Variants in TRAPPC9 observed in about 807,000 individuals in gnomAD.
TRAPPC9 encodes trafficking protein particle complex subunit 9.
A neutral mutation model predicts 124.0 loss-of-function variants in TRAPPC9; 83 were observed. That is an observed-to-expected ratio of 0.67 (90% CI 0.56 to 0.80). TRAPPC9 has a LOEUF of 0.80. Among genes scored for constraint, TRAPPC9 ranks in the 30% least tolerant of loss-of-function variants. The pLI is 0.00. For synonymous variants in TRAPPC9, 638 were observed against 617.5 expected (o/e 1.03, Z -0.49); for missense variants, 1,302 against 1,508.3 (o/e 0.86, Z 2.27).
intron 21 of TRAPPC9, among the ~76,000 whole-genome samples, chr8:139,827,471 T>C (rs1047376504): frequency 6.6e-6 from 1 of 152,092 alleles, no homozygotes; most frequent in Admixed American, 6.6e-5. Context: ...GGGAGCAGGG[T>C]AGCAGCATTT....
At chr8:140,414,151 T>C (rs1017523487) in intron 5 of TRAPPC9, among the ~76,000 whole-genome samples, 1 of 151,964 alleles carries the variant, frequency 6.6e-6, no homozygotes, top group Non-Finnish European at 1.5e-5. Context: ...AGAAGAAATA[T>C]GAAGAAGTTG....
intron 7 of TRAPPC9, among the ~76,000 whole-genome samples, chr8:140,393,960 G>A (rs988548788): frequency 2.0e-5 from 3 of 152,058 alleles, no homozygotes; most frequent in South Asian, 4.1e-4. Flanking sequence ...CACTGTCCCC[G>A]CCCGCCCAGC....
chr8:140,285,886 G>C (rs899072852), intron 13 of TRAPPC9, among the ~76,000 whole-genome samples: 1 of 152,150 alleles, frequency 6.6e-6, no homozygotes, highest in East Asian at 1.9e-4. Flanking sequence ...GATTACACCT[G>C]CCTCACTCAC....
chr8:140,456,772 G>A, intron 1 of TRAPPC9: 1 of 984,960 alleles, frequency 1.0e-6, no homozygotes, highest in Non-Finnish European at 1.2e-6. Flanking sequence ...GGCCGTGAGG[G>A]ATGGAAGGGA....
At chr8:139,956,533 G>A (rs1483961904) in intron 19 of TRAPPC9, among the ~76,000 whole-genome samples, 3 of 152,172 alleles carry the variant, frequency 2.0e-5, no homozygotes, top group African/African-American at 4.8e-5. Flanking sequence ...TTGGGCCTAC[G>A]CCTGACCTAT....
chr8:139,795,075 A>G (rs1307380190), intron 21 of TRAPPC9, among the ~76,000 whole-genome samples: 2 of 152,328 alleles, frequency 1.3e-5, no homozygotes, highest in South Asian at 2.1e-4. Flanking sequence ...ACTCCCCAAG[A>G]AAAAATAACT....
In TRAPPC9 at chr8:139,885,948, C is replaced by T. The variant is rs150724353; in HGVS notation, c.2986G>A (p.Glu996Lys). The part of the protein sequence containing the change: ...WRIPSLKRSG[E>K]ASVEGLLNQL... ...TTCAGGAGTCCTTCCACACTCGCCT[C>T]GCCACTGCGCTTCAGGGAGGGGTGA... Residue 996 changes from glutamate to lysine, a missense_variant, in exon 21 of 23, where the codon GAG (glutamate) becomes AAG (lysine). Physicochemically the swap from Glu to Lys is moderately conservative, Grantham distance 56. Coordinates refer to ENST00000438773, the MANE Select transcript of TRAPPC9 (RefSeq NM_001160372.4). The T allele has an allele frequency of 7.6e-6, 12 of 1,569,662 alleles. No individual in the cohort carries two copies. The highest frequency in any genetic ancestry group is 2.3e-5 in the South Asian group (2 of 85,192).
At chr8:140,082,594 T>G (rs950459884) in intron 17 of TRAPPC9, among the ~76,000 whole-genome samples, 1 of 152,360 alleles carries the variant, frequency 6.6e-6, no homozygotes, top group African/African-American at 2.4e-5. Context: ...TGACTGAATT[T>G]GAAAATACTG....
chr8:140,084,823 A>T (rs1844082207), intron 17 of TRAPPC9, among the ~76,000 whole-genome samples: 1 of 152,232 alleles, frequency 6.6e-6, no homozygotes, highest in South Asian at 2.1e-4. Context: ...ACCAAGCATG[A>T]GTAAGTGCCA....
chr8:140,349,219 AGAAGGGGG>A, intron 9 of TRAPPC9, among the ~76,000 whole-genome samples: 1 of 85,828 alleles, frequency 1.2e-5, no homozygotes, highest in Non-Finnish European at 2.3e-5. Flanking sequence ...GGAAGGGCAC[AGAAGGGGG>A]CCGAAGGGGG....
intron 17 of TRAPPC9, among the ~76,000 whole-genome samples, chr8:140,144,328 C>A (rs2061424893): frequency 6.6e-6 from 1 of 152,166 alleles, no homozygotes; most frequent in African/African-American, 2.4e-5. Context: ...GTATATTTTG[C>A]TATTTCATCA....
intron 17 of TRAPPC9, among the ~76,000 whole-genome samples, chr8:140,093,105 C>T (rs905827790): frequency 2.6e-5 from 4 of 151,956 alleles, no homozygotes; most frequent in Admixed American, 2.0e-4. Flanking sequence ...CATCCCCAAA[C>T]ACTCAAAAAT....
chr8:139,771,512 G>A (rs1820958459), intron 21 of TRAPPC9, among the ~76,000 whole-genome samples: 1 of 152,126 alleles, frequency 6.6e-6, no homozygotes, highest in Non-Finnish European at 1.5e-5. Flanking sequence ...TGAAATAGGG[G>A]CCTTGGGGTA....
chr8:140,311,681 A>G (rs1486345025), intron 9 of TRAPPC9, among the ~76,000 whole-genome samples: 1 of 152,248 alleles, frequency 6.6e-6, no homozygotes, highest in Non-Finnish European at 1.5e-5. Flanking sequence ...AGGCAGGACT[A>G]GAGAATCAGT....
chr8:140,105,701 T>C (rs1355902260), intron 17 of TRAPPC9, among the ~76,000 whole-genome samples: 1 of 152,144 alleles, frequency 6.6e-6, no homozygotes, highest in Admixed American at 6.5e-5. Context: ...CAGCTCCTTC[T>C]CCCTGCCCTC....
At chr8:139,882,544 T>C (rs1829735780) in intron 21 of TRAPPC9, among the ~76,000 whole-genome samples, 1 of 152,144 alleles carries the variant, frequency 6.6e-6, no homozygotes, top group Non-Finnish European at 1.5e-5. Flanking sequence ...GTCAATGAAA[T>C]GTCACCTCTC....
chr8:140,358,364 C>T (rs2067818517), intron 9 of TRAPPC9, among the ~76,000 whole-genome samples: 1 of 152,130 alleles, frequency 6.6e-6, no homozygotes, highest in Admixed American at 6.5e-5. Context: ...TGCCACCATG[C>T]CTGGCTAATT....
chr8:140,425,493 C>G (rs746481503), intron 5 of TRAPPC9, among the ~76,000 whole-genome samples: 3 of 152,224 alleles, frequency 2.0e-5, no homozygotes, highest in South Asian at 2.1e-4. Flanking sequence ...ACAACCTTAT[C>G]TTGAAAAGCG....
chr8:140,203,189 G>GAACAA (rs1563842505), intron 17 of TRAPPC9, among the ~76,000 whole-genome samples: 7 of 152,250 alleles, frequency 4.6e-5, no homozygotes, highest in African/African-American at 1.4e-4. Context: ...AATAGCACTA[G>GAACAA]TTGAACAAAG....
Sources: gnomAD v4.1 joint callset for allele counts (sites outside exome capture counted in the v4.1 genomes callset) on GRCh38, gnomAD v4.1.1 for gene constraint, MANE v1.5 for transcripts, NCBI Gene and HGNC (gene_info 2026-07-23, HGNC 2026-07-21) for gene names.